The following CCDC85A variants were observed in gnomAD, a reference collection of about 807,000 sequenced individuals.
CCDC85A encodes coiled-coil domain-containing protein 85A.
A neutral mutation model predicts 50.2 loss-of-function variants in CCDC85A; 38 were observed. The observed-to-expected ratio is 0.76, with a 90% CI of 0.58 to 0.99. CCDC85A has a LOEUF of 0.99. Among genes scored for constraint, CCDC85A ranks in the 50% least tolerant of loss-of-function variants. The probability of loss-of-function intolerance (pLI) is 0.00; values close to 1 mark genes in which losing one functional copy is unlikely to be tolerated. For missense variants in CCDC85A, 820 were observed against 742.0 expected (o/e 1.11, Z -1.22); for synonymous variants, 366 against 301.4 (o/e 1.21, Z -2.22).
At chr2:56,186,440 T>G (rs80178907) in intron 1 of CCDC85A, among the ~76,000 whole-genome samples, 1 of 152,150 alleles carries the variant, frequency 6.6e-6, no homozygotes, top group Non-Finnish European at 1.5e-5. Context: ...GTTATGATTA[T>G]GTAGGGGAAG....
At chr2:56,266,820 T>C (rs975274778) in intron 2 of CCDC85A, among the ~76,000 whole-genome samples, 1 of 152,190 alleles carries the variant, frequency 6.6e-6, no homozygotes, top group Admixed American at 6.5e-5. Context: ...GTCCTCTTTA[T>C]TGGAAAGGAA....
rs200898872 is a variant in CCDC85A, at chr2:56,212,426, G to A, written c.1240+18986G>A. Among the ~76,000 whole-genome samples, 4 of 111,904 alleles carry A rather than the reference G, an allele frequency of 3.6e-5. No individual in the cohort carries two copies. The East Asian group carries it at 1.4e-3, about 38-fold the overall frequency. 73.4% of individuals were successfully genotyped at this position (111,904 alleles called of 152,430 possible). A position where few individuals can be genotyped will look rare whatever the true frequency, so the allele number is the denominator to read the frequency against. ...AACCCATTCCAAAATTACTGTTGTC[G>A]AATGGCAGTGTTCAGAGTATTCATA... On this transcript the variant is annotated intron_variant, in intron 2 of 5. Transcript: ENST00000407595.
At chr2:56,303,362 G>A (rs1672292846) in intron 2 of CCDC85A, among the ~76,000 whole-genome samples, 2 of 152,052 alleles carry the variant, frequency 1.3e-5, no homozygotes, top group African/African-American at 2.4e-5. Context: ...GAACCCAGGG[G>A]GCATCAGTTG....
intron 2 of CCDC85A, among the ~76,000 whole-genome samples, chr2:56,288,004 C>T (rs976888783): frequency 2.0e-5 from 3 of 152,118 alleles, no homozygotes; most frequent in Admixed American, 6.6e-5. Flanking sequence ...TTTGGGGTCT[C>T]TTTCCATCCA....
chr2:56,356,883 C>G (rs1675258990), intron 3 of CCDC85A, among the ~76,000 whole-genome samples: 1 of 151,800 alleles, frequency 6.6e-6, no homozygotes, highest in South Asian at 2.1e-4. Flanking sequence ...TCCTGGCTAA[C>G]ATGGTGAAAC....
At chr2:56,220,894 C>T (rs1273754211) in intron 2 of CCDC85A, among the ~76,000 whole-genome samples, 1 of 151,976 alleles carries the variant, frequency 6.6e-6, no homozygotes, top group Non-Finnish European at 1.5e-5. Flanking sequence ...TGCAGGTGGT[C>T]AAGGATGTAG....
intron 5 of CCDC85A, among the ~76,000 whole-genome samples, chr2:56,378,446 G>T (rs1346447329): frequency 6.6e-6 from 1 of 152,170 alleles, no homozygotes; most frequent in Admixed American, 6.5e-5. Flanking sequence ...ACACTTCTCT[G>T]AGGTGCATTA....
intron 3 of CCDC85A, among the ~76,000 whole-genome samples, chr2:56,363,049 T>C (rs376368427): frequency 2.4e-4 from 37 of 152,354 alleles, no homozygotes; most frequent in African/African-American, 7.9e-4. Context: ...CTTTTGAATA[T>C]GATTCAGTTA....
chr2:56,200,390 A>T (rs1187812605), intron 2 of CCDC85A, among the ~76,000 whole-genome samples: 1 of 152,142 alleles, frequency 6.6e-6, no homozygotes, highest in Non-Finnish European at 1.5e-5. Context: ...CATGTTCTGA[A>T]ATGGGCTGAT....
intron 2 of CCDC85A, among the ~76,000 whole-genome samples, chr2:56,274,456 C>G (rs1372959873): frequency 1.3e-5 from 2 of 152,170 alleles, no homozygotes; most frequent in Non-Finnish European, 2.9e-5. Context: ...AGGCTGGAGG[C>G]TCAGGTAGGG....
intron 2 of CCDC85A, among the ~76,000 whole-genome samples, chr2:56,297,199 T>C (rs214038): frequency 0.82 from 125,058 of 152,030 alleles, 51,714 homozygotes; most frequent in East Asian, 1. Context: ...CTAAAATGAT[T>C]AGAGGAAATG....
intron 2 of CCDC85A, among the ~76,000 whole-genome samples, chr2:56,245,693 A>G (rs1669473136): frequency 6.6e-6 from 1 of 152,182 alleles, no homozygotes; most frequent in African/African-American, 2.4e-5. Flanking sequence ...TGCCCTTCCC[A>G]AAATTCAAGT....
intron 2 of CCDC85A, among the ~76,000 whole-genome samples, chr2:56,340,195 T>G (rs1384040474): frequency 6.6e-6 from 1 of 152,184 alleles, no homozygotes; most frequent in Non-Finnish European, 1.5e-5. Flanking sequence ...GCTTATGTAT[T>G]TTAGAAAATA....
At chr2:56,333,851 G>A (rs983238557) in intron 2 of CCDC85A, among the ~76,000 whole-genome samples, 3 of 152,172 alleles carry the variant, frequency 2.0e-5, no homozygotes, top group African/African-American at 7.2e-5. Context: ...CAGCCAAAAA[G>A]AGCACAAGGC....
At chr2:56,207,535 T>C (rs1269435487) in intron 2 of CCDC85A, among the ~76,000 whole-genome samples, 1 of 152,216 alleles carries the variant, frequency 6.6e-6, no homozygotes, top group Non-Finnish European at 1.5e-5. Context: ...CACATAACAT[T>C]ATTTTTTGAT....
chr2:56,246,385 A>C (rs1669510891), intron 2 of CCDC85A, among the ~76,000 whole-genome samples: 1 of 151,970 alleles, frequency 6.6e-6, no homozygotes, highest in Admixed American at 6.6e-5. Flanking sequence ...TTTTTGGTGA[A>C]ATCCAGTTTT....
At chr2:56,322,540 A>G (rs1016260527) in intron 2 of CCDC85A, among the ~76,000 whole-genome samples, 53 of 152,234 alleles carry the variant, frequency 3.5e-4, no homozygotes, top group Non-Finnish European at 4.4e-4. Flanking sequence ...GACACATGAA[A>G]AAATGCTCAT....
Position 56,323,079 on chromosome 2 carries a change from G to A in CCDC85A, c.1241-19800G>A, listed in dbSNP as rs563665914. 2.6e-5 allele frequency among the ~76,000 whole-genome samples: 4 copies of A among 152,226 alleles called. No homozygotes were observed. In the South Asian group the frequency reaches 8.3e-4, roughly 32 times the overall value. On this transcript the variant is annotated intron_variant, in intron 2 of 5. Coordinates refer to ENST00000407595, the MANE Select transcript of CCDC85A (RefSeq NM_001080433.2). Reference sequence around the variant, plus strand: ...AAATACCGCATGTTCTCACTCATAGGTGGGAATCGAACAATGAGAACACAT... The same window carrying A: ...AAATACCGCATGTTCTCACTCATAGATGGGAATCGAACAATGAGAACACAT...
At chr2:56,231,659 A>G (rs1188233262) in intron 2 of CCDC85A, among the ~76,000 whole-genome samples, 1 of 152,134 alleles carries the variant, frequency 6.6e-6, no homozygotes, top group Non-Finnish European at 1.5e-5. Context: ...CTAAAACCTT[A>G]GAGAGTTCAT....
Sources: allele counts gnomAD v4.1 joint callset (sites outside exome capture counted in the v4.1 genomes callset), GRCh38; gene constraint gnomAD v4.1.1; transcripts MANE v1.5; gene names NCBI Gene and HGNC (gene_info 2026-07-23, HGNC 2026-07-21).